Variants in NADSYN1 observed in about 807,000 individuals in gnomAD.
NADSYN1 encodes NAD synthetase 1, also known as glutamine-dependent NAD(+) synthetase.
In NADSYN1, 80 loss-of-function variants were observed where a neutral mutation model predicts 99.3. The ratio of observed to expected loss-of-function variants is 0.81; its 90% CI spans 0.67 to 0.97. NADSYN1 has a LOEUF of 0.97. Ranked by LOEUF, NADSYN1 falls within the 50% of genes least tolerant of loss-of-function variation. The probability of loss-of-function intolerance (pLI) is 0.00; values close to 1 mark genes in which losing one functional copy is unlikely to be tolerated. For synonymous variants in NADSYN1, 385 were observed against 372.1 expected, an observed-to-expected ratio of 1.03 and a Z score of -0.40; for missense variants, 859 against 948.5, an observed-to-expected ratio of 0.91 and a Z score of 1.24.
chr11:71,477,037 G>A (rs1949672162), intron 9 of NADSYN1: 8 of 1,060,432 alleles, frequency 7.5e-6, no homozygotes, highest in African/African-American at 1.7e-5. Flanking sequence ...CAGGTCCTCC[G>A]TGGTGCACCT....
chr11:71,461,401 G>T (rs1268943606), intron 3 of NADSYN1, among the ~76,000 whole-genome samples: 1 of 152,068 alleles, frequency 6.6e-6, no homozygotes, highest in Non-Finnish European at 1.5e-5. Flanking sequence ...AGAGAGAGGG[G>T]CGAGGTGCTA....
chr11:71,458,246 C>G (rs908755365), intron 2 of NADSYN1, among the ~76,000 whole-genome samples, 182 bp from the exon 3 acceptor site: 1 of 152,182 alleles, frequency 6.6e-6, no homozygotes, highest in Non-Finnish European at 1.5e-5. Context: ...GCTTTCAGTA[C>G]GGCACATCTG....
chr11:71,459,348 G>A (rs747705008), intron 3 of NADSYN1, among the ~76,000 whole-genome samples: 3 of 151,242 alleles, frequency 2.0e-5, no homozygotes, highest in Non-Finnish European at 4.4e-5. Flanking sequence ...GTCCCCTATG[G>A]AGGCCTCTGC....
chr11:71,491,345 G>A (rs1035395210), intron 17 of NADSYN1, among the ~76,000 whole-genome samples: 1 of 152,264 alleles, frequency 6.6e-6, no homozygotes, highest in African/African-American at 2.4e-5. Flanking sequence ...GGCCTTTGCC[G>A]AGGTTCCCTG....
At chr11:71,453,468 C>T (rs113582218) in intron 1 of NADSYN1, 87 bp downstream of exon 1, 20 of 1,265,262 alleles carry the variant, frequency 1.6e-5, no homozygotes, top group African/African-American at 1.2e-4. Context: ...GTGCTCACAG[C>T]CTTGCCCTGG....
intron 1 of NADSYN1, among the ~76,000 whole-genome samples, chr11:71,453,851 C>T (rs1565593901): frequency 6.6e-6 from 1 of 152,082 alleles, no homozygotes; most frequent in African/African-American, 2.4e-5. Flanking sequence ...CCTGTCATCC[C>T]AGCATTTTGG....
chr11:71,461,251 T>C (rs796578722), intron 3 of NADSYN1, among the ~76,000 whole-genome samples: 21 of 152,286 alleles, frequency 1.4e-4, no homozygotes, highest in African/African-American at 4.3e-4. Context: ...AGTGGCTTAC[T>C]CCACTTAGAG....
At chr11:71,485,203 C>T (rs1949734381) in intron 15 of NADSYN1, 2 of 187,292 alleles carry the variant, frequency 1.1e-5, no homozygotes, top group African/African-American at 2.4e-5. Flanking sequence ...CCTCTCCCCT[C>T]CTGCCAGTGG....
rs563149777 is a variant in NADSYN1 at position 71,474,534 on chromosome 11, G to A, written c.798+8G>A. On this transcript the variant is annotated splice_region_variant and intron_variant, in intron 9 of 20. Transcript: ENST00000319023. ...TTTTCTCTGGATGACGTGGTAATGA[G>A]CGGGCCTGGACATGCCTGGGGGAGG... The A allele has an allele frequency of 6.2e-7, 1 of 1,614,086 alleles. No individual in the cohort carries two copies. The highest frequency in any genetic ancestry group is 1.3e-5 in the African/African-American group (1 of 75,062).
chr11:71,483,752 C>T (rs1287305159), intron 14 of NADSYN1, among the ~76,000 whole-genome samples: 1 of 152,186 alleles, frequency 6.6e-6, no homozygotes, highest in Non-Finnish European at 1.5e-5. Flanking sequence ...AAGTCCATAG[C>T]AGCACCATTC....
At chr11:71,476,189 T>A in intron 9 of NADSYN1, 2 of 443,470 alleles carry the variant, frequency 4.5e-6, no homozygotes, top group Non-Finnish European at 9.1e-6. Flanking sequence ...CAGCACTGCC[T>A]CCCACACACA....
intron 12 of NADSYN1, chr11:71,481,645 T>G: frequency 1.7e-6 from 1 of 604,738 alleles, no homozygotes; most frequent in South Asian, 2.0e-5. Flanking sequence ...GCATTCAGGG[T>G]CACGCTCACC....
intron 18 of NADSYN1, among the ~76,000 whole-genome samples, chr11:71,494,754 C>T (rs1348090533): frequency 6.6e-6 from 1 of 152,124 alleles, no homozygotes; most frequent in Non-Finnish European, 1.5e-5. Flanking sequence ...GGGGTTTTTC[C>T]ATGTTGGTCA....
At position 71,485,587 on chromosome 11, in the gene NADSYN1, C is replaced by T. The variant is rs1484668251; in HGVS notation, c.1501C>T (p.Leu501Phe). The T allele has an allele frequency of 1.9e-6, 3 of 1,562,936 alleles. No homozygotes were observed. Among genetic ancestry groups the T allele is most frequent in the Non-Finnish European group, 2.6e-6 (3 of 1,152,754 alleles). The change falls in exon 16 of 21, where the codon CTC becomes TTC. Residue 501 changes from leucine (L) to phenylalanine (F), a missense_variant. Physicochemically the swap from Leu to Phe is conservative, Grantham distance 22. Transcript: ENST00000319023. ...VLAYLFAQLS[L>F]WSRGVHGGLL... ...CGCCTATCTGTTTGCTCAGTTGAGC[C>T]TCTGGTCTCGGGGTGTCCACGGTGG...
At chr11:71,482,549 TG>T (rs1949715505) in intron 13 of NADSYN1, among the ~76,000 whole-genome samples, 1 of 139,814 alleles carries the variant, frequency 7.2e-6, no homozygotes, top group African/African-American at 2.8e-5. Flanking sequence ...CATGGGCGCC[TG>T]GGGGCCGTAG....
At chr11:71,497,660 C>G (rs1463156705) in intron 19 of NADSYN1, 49 bp downstream of exon 19, 4 of 1,611,728 alleles carry the variant, frequency 2.5e-6, no homozygotes, top group Non-Finnish European at 3.4e-6. Flanking sequence ...AGGTAATGTC[C>G]CCTTTGCAGA....
intron 14 of NADSYN1, 113 bp downstream of exon 14, chr11:71,483,130 C>T (rs993128237): frequency 1.8e-5 from 23 of 1,301,292 alleles, no homozygotes; most frequent in Middle Eastern, 2.7e-4. Flanking sequence ...CGCATCGTGT[C>T]ATCCACTATG....
At chr11:71,494,620 G>A (rs1949807690) in intron 18 of NADSYN1, among the ~76,000 whole-genome samples, 3 of 152,060 alleles carry the variant, frequency 2.0e-5, no homozygotes, top group South Asian at 4.1e-4. Flanking sequence ...GTGCGATCTC[G>A]GCTCACTGAA....
At position 71,478,086 on chromosome 11, in the gene NADSYN1, A is replaced by T. The variant is rs539748728; in HGVS notation, c.799-309A>T. On this transcript the variant is annotated intron_variant, in intron 9 of 20. Transcript: ENST00000319023. ...ACTGACATGGGGGTGTCTTACTGAC[A>T]GGGGTGTCTTACTGACAGGGGTGTG... is the stretch of plus-strand genomic sequence containing the variant. Among the ~76,000 whole-genome samples, 3 of 151,230 alleles carry T rather than the reference A, an allele frequency of 2.0e-5. No individual in the cohort carries two copies. The East Asian group carries it at 5.8e-4, about 29-fold the overall frequency.
Sources: allele counts gnomAD v4.1 joint callset (sites outside exome capture counted in the v4.1 genomes callset), GRCh38; gene constraint gnomAD v4.1.1; transcripts MANE v1.5; gene names NCBI Gene and HGNC (gene_info 2026-07-23, HGNC 2026-07-21).